Variants in SLC44A1 observed in about 807,000 individuals in gnomAD.
SLC44A1 encodes the protein choline transporter-like protein 1.
A neutral mutation model predicts 79.3 loss-of-function variants in SLC44A1; 26 were observed. The observed-to-expected ratio is 0.33, with a 90% confidence interval of 0.24 to 0.46. The LOEUF (loss-of-function observed/expected upper bound fraction) is 0.46, where lower values mean the gene tolerates loss of function less well. Ranked by LOEUF, SLC44A1 falls within the 20% of genes least tolerant of loss-of-function variation. The pLI, the probability that SLC44A1 is intolerant of heterozygous loss-of-function variation, is 1.00. For synonymous variants in SLC44A1, 263 were observed against 286.2 expected, an observed-to-expected ratio of 0.92 and a Z score of 0.82; for missense variants, 688 against 798.1, an observed-to-expected ratio of 0.86 and a Z score of 1.66.
chr9:105,397,680 C>T (rs1487621919), downstream of SLC44A1, among the ~76,000 whole-genome samples: 2 of 151,972 alleles, frequency 1.3e-5, no homozygotes, highest in Non-Finnish European at 2.9e-5. Context: ...CGTGGTGGCT[C>T]ACGCCTGTAA....
chr9:105,309,894 C>T, intron 3 of SLC44A1, 28 bp downstream of exon 3: 2 of 1,600,908 alleles, frequency 1.2e-6, no homozygotes, highest in Non-Finnish European at 1.7e-6. Context: ...ATGATGAACA[C>T]ATGGAAACTT....
chr9:105,299,737 T>TC, intron 2 of SLC44A1: 3 of 978,602 alleles, frequency 3.1e-6, no homozygotes, highest in Non-Finnish European at 3.6e-6. Flanking sequence ...CTTCTGCCTG[T>TC]CCTAGGCCCC....
At chr9:105,381,046 A>C (rs1198885841) in intron 13 of SLC44A1, among the ~76,000 whole-genome samples, 1 of 152,122 alleles carries the variant, frequency 6.6e-6, no homozygotes, top group African/African-American at 2.4e-5. Context: ...CTTCCATCTC[A>C]CCAGCTTTTT....
At chr9:105,261,423 G>C (rs1829836030) in intron 1 of SLC44A1, among the ~76,000 whole-genome samples, 1 of 152,094 alleles carries the variant, frequency 6.6e-6, no homozygotes, top group African/African-American at 2.4e-5. Flanking sequence ...GAGTAGACTG[G>C]GTAAAGCTCC....
At chr9:105,433,090 GT>G (rs573376780) in intron 15 of SLC44A1, among the ~76,000 whole-genome samples, 207 of 152,204 alleles carry the variant, frequency 1.4e-3, no homozygotes, top group Admixed American at 9.8e-3. Context: ...GAGGCCAGGA[GT>G]TCAAGACCAG....
At chr9:105,426,209 G>A (rs1829321067) in intron 15 of SLC44A1, among the ~76,000 whole-genome samples, 2 of 152,244 alleles carry the variant, frequency 1.3e-5, no homozygotes, top group Admixed American at 1.3e-4. Flanking sequence ...GCTATATAAT[G>A]CATTACTAAT....
chr9:105,268,576 T>C (rs1193477561), intron 1 of SLC44A1, among the ~76,000 whole-genome samples: 2 of 152,108 alleles, frequency 1.3e-5, no homozygotes, highest in Admixed American at 6.5e-5. Context: ...CGATCTCTGC[T>C]CACTGCAACC....
At chr9:105,299,674 G>A (rs566995245) in intron 2 of SLC44A1, 2 of 509,674 alleles carry the variant, frequency 3.9e-6, no homozygotes, top group South Asian at 1.7e-4. Flanking sequence ...CAGGGACTTG[G>A]TGTTCCACAG....
At chr9:105,257,011 C>T (rs1296662064) in intron 1 of SLC44A1, among the ~76,000 whole-genome samples, 4 of 151,986 alleles carry the variant, frequency 2.6e-5, no homozygotes, top group Non-Finnish European at 5.9e-5. Flanking sequence ...CTCTCGAACT[C>T]CTGACCTCAG....
chr9:105,257,680 T>C (rs1829744329), intron 1 of SLC44A1, among the ~76,000 whole-genome samples: 1 of 152,102 alleles, frequency 6.6e-6, no homozygotes, highest in South Asian at 2.1e-4. Context: ...AAAATGATTC[T>C]CCAGCAAAAG....
chr9:105,418,423 T>C (rs1454378738), intron 15 of SLC44A1, among the ~76,000 whole-genome samples: 4 of 152,126 alleles, frequency 2.6e-5, no homozygotes, highest in Non-Finnish European at 4.4e-5. Flanking sequence ...ACAGTAGTAA[T>C]TGGCCATTAG....
At chr9:105,400,476 A>G (rs1828943413), downstream of SLC44A1, among the ~76,000 whole-genome samples, 1 of 124,746 alleles carries the variant, frequency 8.0e-6, no homozygotes, top group African/African-American at 3.1e-5. Context: ...TGACAGAGCA[A>G]GACGCCATCT....
chr9:105,395,268 G>C lies in SLC44A1; in HGVS notation c.*6212G>C. On this transcript the variant is annotated 3_prime_UTR_variant, in exon 16 of 16. Coordinates refer to ENST00000374720, the MANE Select transcript of SLC44A1 (RefSeq NM_080546.5). Reference sequence around the variant, plus strand: ...GGAGTCTCGCTCTATCGCCAGCTTAGAGTGCAGTGGCTCAATCTTAGCTCA... The same window carrying C: ...GGAGTCTCGCTCTATCGCCAGCTTACAGTGCAGTGGCTCAATCTTAGCTCA... 2.4e-6 allele frequency: 2 copies of C among 828,540 alleles called. No individual in the cohort carries two copies. Among genetic ancestry groups the C allele is most frequent in the Non-Finnish European group, 2.9e-6 (2 of 687,202 alleles). 51.3% of individuals were successfully genotyped at this position (828,540 alleles called of 1,614,324 possible).
At chr9:105,340,537 G>C (rs1394051001) in intron 4 of SLC44A1, among the ~76,000 whole-genome samples, 1 of 152,172 alleles carries the variant, frequency 6.6e-6, no homozygotes, top group Non-Finnish European at 1.5e-5. Flanking sequence ...GTAATTTTAT[G>C]TTGCCTTTAT....
intron 1 of SLC44A1, among the ~76,000 whole-genome samples, chr9:105,267,005 G>A (rs905021636): frequency 6.6e-6 from 1 of 151,928 alleles, no homozygotes; most frequent in Non-Finnish European, 1.5e-5. Context: ...CAGTGTCTCT[G>A]TACTGGTGTT....
At chr9:105,264,579 C>T (rs1444678224) in intron 1 of SLC44A1, among the ~76,000 whole-genome samples, 1 of 152,188 alleles carries the variant, frequency 6.6e-6, no homozygotes, top group Non-Finnish European at 1.5e-5. Flanking sequence ...TACTGTCTAC[C>T]CAGCTTTCTA....
At position 105,383,179 on chromosome 9, in the gene SLC44A1, G is replaced by C; in HGVS notation, c.1689G>C (p.Gln563His). ...LAGIMLLNYQ[Q>H]DYTVWVLPLI... The stretch of plus-strand genomic sequence containing the variant: ...GGATTATGCTGCTCAACTACCAGCA[G>C]GACTACACAGTATGGGTGCTGCCTC... The change falls in exon 14 of 16, where the codon CAG becomes CAC. Residue 563 changes from glutamine to histidine, a missense_variant. Coordinates refer to ENST00000374720, the MANE Select transcript of SLC44A1 (RefSeq NM_080546.5). 6.2e-7 allele frequency: 1 copy of C among 1,614,144 alleles called. No homozygotes were observed. The highest frequency in any genetic ancestry group is 8.5e-7 in the Non-Finnish European group (1 of 1,180,026).
At chr9:105,287,523 T>A (rs1830505758) in intron 1 of SLC44A1, among the ~76,000 whole-genome samples, 1 of 152,200 alleles carries the variant, frequency 6.6e-6, no homozygotes, top group Non-Finnish European at 1.5e-5. Context: ...TTGTGGGAAC[T>A]CACTTTTTTT....
In SLC44A1 at chr9:105,377,558, C is replaced by G. The variant is rs375776471; in HGVS notation, c.1632+2823C>G. Among the ~76,000 whole-genome samples the G allele has an allele frequency of 1.8e-3, 266 of 151,384 alleles. 1 individual carries two copies. Among genetic ancestry groups the G allele is most frequent in the African/African-American group, 6.3e-3 (258 of 41,242 alleles). Reference sequence around the variant, plus strand: ...CTGAGGTCAGTAGTTCAAGACCAGCCTGGCCAACAATGTGGTGAAACCTCA... The same window carrying G: ...CTGAGGTCAGTAGTTCAAGACCAGCGTGGCCAACAATGTGGTGAAACCTCA... On this transcript the variant is annotated intron_variant, in intron 13 of 15. Coordinates refer to ENST00000374720, the MANE Select transcript of SLC44A1 (RefSeq NM_080546.5).
Sources: allele counts gnomAD v4.1 joint callset (sites outside exome capture counted in the v4.1 genomes callset), GRCh38; gene constraint gnomAD v4.1.1; transcripts MANE v1.5; gene names NCBI Gene and HGNC (gene_info 2026-07-23, HGNC 2026-07-21).